LRRK2: variants seen among roughly 807,000 people sequenced by gnomAD.
LRRK2 encodes the protein leucine rich repeat kinase 2, also known as leucine-rich repeat serine/threonine-protein kinase 2.
Under a neutral mutation model 302.6 loss-of-function variants are expected in LRRK2, and 203 were observed. That is an observed-to-expected ratio of 0.67 (90% CI 0.60 to 0.75). The LOEUF (loss-of-function observed/expected upper bound fraction) is 0.75, where lower values mean the gene tolerates loss of function less well. LRRK2 is among the 30% of genes least tolerant of loss of function. LRRK2 has a pLI of 0.00. For synonymous variants in LRRK2, 1,066 were observed against 1,031.9 expected (o/e 1.03, Z -0.63); for missense variants, 2,830 against 2,951.0 (o/e 0.96, Z 0.95).
In LRRK2 at chr12:40,259,471, T is replaced by C; in HGVS notation, c.1419-9T>C. The C allele has an allele frequency of 1.2e-6, 2 of 1,612,980 alleles. No individual in the cohort carries two copies. The highest frequency in any genetic ancestry group is 1.7e-6 in the Non-Finnish European group (2 of 1,179,228). ...TCTTTCAATAAGCATGCCAATTTTA[T>C]ATCCCCAGCAACACTTCCCTGGATA... On this transcript the variant is annotated splice_polypyrimidine_tract_variant and intron_variant, in intron 12 of 50. Transcript: ENST00000298910.
At position 40,287,406 on chromosome 12, in the gene LRRK2, G is replaced by T. The variant is rs1394560775; in HGVS notation, c.2556G>T (p.Val852=). Reference sequence around the variant, plus strand: ...TCAGATATCAGATGAAAAGTGCTGTGGAAGAAGGAACAGCCTCAGGCAGCG... The same window carrying T: ...TCAGATATCAGATGAAAAGTGCTGTTGAAGAAGGAACAGCCTCAGGCAGCG... The part of the protein sequence containing the change: ...MVIRYQMKSA[V]EEGTASGSDG... Residue 852 remains valine, a synonymous_variant, in exon 20 of 51, where the codon GTG becomes GTT. Transcript: ENST00000298910. 7 of 1,612,728 alleles carry T rather than the reference G, an allele frequency of 4.3e-6. No individual in the cohort carries two copies. The highest frequency in any genetic ancestry group is 5.9e-6 in the Non-Finnish European group (7 of 1,179,090).
chr12:40,227,138 G>A (rs950799584), intron 2 of LRRK2, among the ~76,000 whole-genome samples: 1 of 152,102 alleles, frequency 6.6e-6, no homozygotes, highest in South Asian at 2.1e-4. Flanking sequence ...GGCAAAGTAT[G>A]CTGGAAAATA....
rs200678517 is a variant in LRRK2, at chr12:40,225,061, G to T, written c.-71G>T. 9 of 1,597,352 alleles carry T rather than the reference G, an allele frequency of 5.6e-6. No individual in the cohort carries two copies. The African/African-American group carries it at 1.2e-4, about 21-fold the overall frequency. On this transcript the variant is annotated 5_prime_UTR_variant, in exon 1 of 51. Coordinates refer to ENST00000298910, the MANE Select transcript of LRRK2 (RefSeq NM_198578.4). ...GCTCGCCCCCGGGGAGCTGTGGCCG[G>T]CGCCCCTGCCGGTTCCCTGAGCAGC...
chr12:40,363,791 T>C (rs982555960), intron 48 of LRRK2, among the ~76,000 whole-genome samples: 1 of 151,984 alleles, frequency 6.6e-6, no homozygotes, highest in African/African-American at 2.4e-5. Context: ...CAAAGAATGT[T>C]CTCGAATGAA....
Position 40,320,206 on chromosome 12 carries a change from C to A in LRRK2, c.5015+31C>A, listed in dbSNP as rs768851219. 5 of 1,526,804 alleles carry A rather than the reference C, an allele frequency of 3.3e-6. No homozygotes were observed. The South Asian group carries it at 5.6e-5, about 17-fold the overall frequency. 94.6% of individuals were successfully genotyped at this position (1,526,804 alleles called of 1,614,324 possible). A position where few individuals can be genotyped will look rare whatever the true frequency, so the allele number is the denominator to read the frequency against. ...GAAAACCTTAAAAAATTAATTGCTA[C>A]ATGGAAATTCACTATCTATTCTTTT... is the stretch of plus-strand genomic sequence containing the variant. On this transcript the variant is annotated intron_variant, in intron 34 of 50. Coordinates refer to ENST00000298910, the MANE Select transcript of LRRK2 (RefSeq NM_198578.4).
chr12:40,364,725 A>T, intron 48 of LRRK2, 117 bp from the exon 49 acceptor site: 1 of 876,742 alleles, frequency 1.1e-6, no homozygotes. Flanking sequence ...TTAATGATGC[A>T]TAATGGTGGT....
At chr12:40,257,480 T>C in intron 12 of LRRK2, 103 bp downstream of exon 12, 2 of 1,403,656 alleles carry the variant, frequency 1.4e-6, no homozygotes, top group South Asian at 2.4e-5. Context: ...AAGAAAAACA[T>C]AAGACACTTG....
At chr12:40,307,816 T>C (rs1944882678) in intron 28 of LRRK2, among the ~76,000 whole-genome samples, 1 of 143,686 alleles carries the variant, frequency 7.0e-6, no homozygotes, top group Admixed American at 7.4e-5. Flanking sequence ...AGTTTCACTC[T>C]TGTCACCCAG....
intron 14 of LRRK2, 98 bp downstream of exon 14, chr12:40,263,999 G>A (rs370501337): frequency 5.2e-5 from 43 of 834,068 alleles, no homozygotes; most frequent in Admixed American, 2.4e-4. Context: ...TCTGTTCTCC[G>A]TTTGCTATGA....
chr12:40,251,548 A>G lies in LRRK2; in HGVS notation c.1181+4A>G. The G allele has an allele frequency of 6.2e-7, 1 of 1,606,142 alleles. No individual in the cohort carries two copies. The highest frequency in any genetic ancestry group is 8.5e-7 in the Non-Finnish European group (1 of 1,174,606). On this transcript the variant is annotated splice_donor_region_variant and intron_variant, in intron 10 of 50. Transcript: ENST00000298910. ...AGATTGGAGATGAAGATGGCCAGTTAGTAGTTTTGATTTTATATGATAGAA... is the reference window on the plus strand; with the variant it reads ...AGATTGGAGATGAAGATGGCCAGTTGGTAGTTTTGATTTTATATGATAGAA...
At chr12:40,260,125 T>C (rs558258030) in intron 13 of LRRK2, among the ~76,000 whole-genome samples, 5 of 152,244 alleles carry the variant, frequency 3.3e-5, no homozygotes, top group Non-Finnish European at 5.9e-5. Context: ...CCAAAGCCCC[T>C]TTAAAACACC....
chr12:40,352,675 G>T (rs1426756805), intron 44 of LRRK2, among the ~76,000 whole-genome samples: 2 of 148,870 alleles, frequency 1.3e-5, no homozygotes, highest in Non-Finnish European at 3.0e-5. Flanking sequence ...TAACGAGCAT[G>T]CTGCCTTCAA....
chr12:40,363,001 CACTT>C (rs531961513), intron 47 of LRRK2, among the ~76,000 whole-genome samples: 2 of 151,968 alleles, frequency 1.3e-5, no homozygotes, highest in South Asian at 4.1e-4. Flanking sequence ...AAAAGGCTAA[CACTT>C]AATTTTCTGA....
chr12:40,244,108 G>A (rs1005762639), intron 7 of LRRK2, among the ~76,000 whole-genome samples: 2 of 152,066 alleles, frequency 1.3e-5, no homozygotes, highest in South Asian at 4.1e-4. Context: ...TCCCAGTGGG[G>A]GAAGCTACCC....
chr12:40,248,295 T>G (rs1034513162), intron 7 of LRRK2, among the ~76,000 whole-genome samples: 1 of 152,194 alleles, frequency 6.6e-6, no homozygotes, highest in East Asian at 1.9e-4. Flanking sequence ...TGTTTTGTGA[T>G]CAGGGAAATG....
intron 16 of LRRK2, among the ~76,000 whole-genome samples, chr12:40,276,042 T>C (rs1007498679): frequency 6.6e-6 from 1 of 152,202 alleles, no homozygotes; most frequent in East Asian, 1.9e-4. Context: ...TATAAAGTTA[T>C]GAACATACAA....
chr12:40,281,638 A>G (rs1438749635), intron 18 of LRRK2, among the ~76,000 whole-genome samples: 7 of 152,218 alleles, frequency 4.6e-5, no homozygotes, highest in Admixed American at 4.6e-4. Flanking sequence ...TTCTAAAGAG[A>G]ATGACTCTGT....
At chr12:40,303,695 C>T (rs1479304614) in intron 26 of LRRK2, among the ~76,000 whole-genome samples, 1 of 152,060 alleles carries the variant, frequency 6.6e-6, no homozygotes, top group Admixed American at 6.6e-5. Context: ...CTTTAATCTT[C>T]CTAATAATGC....
At chr12:40,304,488 C>G (rs1166243424) in intron 27 of LRRK2, 2 of 258,668 alleles carry the variant, frequency 7.7e-6, no homozygotes, top group African/African-American at 4.4e-5. Context: ...AATTTGTCTA[C>G]CCAACATTTG....
Sources: gnomAD v4.1 joint callset for allele counts (sites outside exome capture counted in the v4.1 genomes callset) on GRCh38, gnomAD v4.1.1 for gene constraint, MANE v1.5 for transcripts, NCBI Gene and HGNC (gene_info 2026-07-23, HGNC 2026-07-21) for gene names.